Variants in TEAD1 observed in about 807,000 individuals in gnomAD.
TEAD1 encodes transcriptional enhancer factor TEF-1.
A neutral mutation model predicts 54.9 loss-of-function variants in TEAD1; 9 were observed. The ratio of observed to expected loss-of-function variants is 0.16; its 90% CI spans 0.10 to 0.29. The LOEUF (loss-of-function observed/expected upper bound fraction) is 0.29, where lower values mean the gene tolerates loss of function less well. TEAD1 is among the 10% of genes least tolerant of loss of function. The pLI, the probability that TEAD1 is intolerant of heterozygous loss-of-function variation, is 1.00. For missense variants in TEAD1, 387 were observed against 535.9 expected, an observed-to-expected ratio of 0.72 and a Z score of 2.74; for synonymous variants, 200 against 187.8, an observed-to-expected ratio of 1.07 and a Z score of -0.53.
At chr11:12,903,334 G>A (rs140374734) in intron 10 of TEAD1, among the ~76,000 whole-genome samples, 3 of 152,194 alleles carry the variant, frequency 2.0e-5, no homozygotes, top group East Asian at 1.9e-4. Flanking sequence ...AAGCCTCTAC[G>A]TATCTCTATA....
chr11:12,880,952 CTG>C, intron 6 of TEAD1, 51 bp from the exon 7 acceptor site: 1 of 1,604,714 alleles, frequency 6.2e-7, no homozygotes, highest in Non-Finnish European at 8.5e-7. Context: ...GCATCCTAAA[CTG>C]TGCTTTGAAG....
At chr11:12,847,721 T>G (rs1236561965) in intron 3 of TEAD1, among the ~76,000 whole-genome samples, 1 of 152,192 alleles carries the variant, frequency 6.6e-6, no homozygotes, top group African/African-American at 2.4e-5. Flanking sequence ...CGGGTCTTGC[T>G]CTGTTGGCCA....
chr11:12,917,877 C>G (rs1344177997), intron 10 of TEAD1, among the ~76,000 whole-genome samples: 3 of 152,182 alleles, frequency 2.0e-5, no homozygotes, highest in Non-Finnish European at 2.9e-5. Context: ...TGGCCTATGA[C>G]CAGCCTTTTT....
At position 12,840,844 on chromosome 11, in the gene TEAD1, T is replaced by C. The variant is rs995556004; in HGVS notation, c.203-21406T>C. Among the ~76,000 whole-genome samples the C allele has an allele frequency of 5.3e-5, 8 of 152,292 alleles. No individual in the cohort carries two copies. In the South Asian group the frequency reaches 8.3e-4, roughly 16 times the overall value. On this transcript the variant is annotated intron_variant, in intron 3 of 12. Transcript: ENST00000527636. ...TTTCAGAGTTCTGGTGGATATTTGA[T>C]TGCTCTCCATTGGTAGTAACTTTAT...
Position 12,898,561 on chromosome 11 carries a change from A to G in TEAD1, c.700-3379A>G, listed in dbSNP as rs531173455. ...AGGTGTGTGCCACCACACCCGGCTAATTTTTGTATTTTTAGTAGAGATGGG... is the reference window on the plus strand; with the variant it reads ...AGGTGTGTGCCACCACACCCGGCTAGTTTTTGTATTTTTAGTAGAGATGGG... On this transcript the variant is annotated intron_variant, in intron 9 of 12. Transcript: ENST00000527636. Among the ~76,000 whole-genome samples the G allele has an allele frequency of 2.0e-5, 3 of 151,406 alleles. No homozygotes were observed. In the East Asian group the frequency reaches 5.9e-4, roughly 30 times the overall value.
intron 9 of TEAD1, among the ~76,000 whole-genome samples, chr11:12,901,667 A>G (rs1354338380): frequency 6.6e-6 from 1 of 152,220 alleles, no homozygotes; most frequent in Non-Finnish European, 1.5e-5. Context: ...GTAGCTGGGT[A>G]ACTTAAGCTG....
chr11:12,734,369 TA>T (rs1365736126), intron 2 of TEAD1, among the ~76,000 whole-genome samples: 3 of 152,204 alleles, frequency 2.0e-5, no homozygotes, highest in African/African-American at 7.2e-5. Flanking sequence ...AGTTAAAAAT[TA>T]AAAAATGTGT....
At chr11:12,691,626 C>G (rs1412328729) in intron 2 of TEAD1, among the ~76,000 whole-genome samples, 2 of 152,142 alleles carry the variant, frequency 1.3e-5, no homozygotes, top group African/African-American at 4.8e-5. Flanking sequence ...AAAGACCAAA[C>G]TGAAGAATTA....
chr11:12,695,090 C>T (rs562808843), intron 2 of TEAD1, among the ~76,000 whole-genome samples: 2 of 152,354 alleles, frequency 1.3e-5, no homozygotes, highest in South Asian at 2.1e-4. Context: ...GCTAATTCAG[C>T]GCACAGCCAG....
At chr11:12,790,667 A>G (rs544932809) in intron 3 of TEAD1, among the ~76,000 whole-genome samples, 1 of 152,228 alleles carries the variant, frequency 6.6e-6, no homozygotes, top group Non-Finnish European at 1.5e-5. Context: ...TACTGATTCA[A>G]ACTTTTACTA....
intron 3 of TEAD1, among the ~76,000 whole-genome samples, chr11:12,773,385 C>T (rs1270642524): frequency 6.6e-6 from 1 of 152,202 alleles, no homozygotes; most frequent in Non-Finnish European, 1.5e-5. Context: ...TACCACTTTA[C>T]ATTCTCACCT....
At chr11:12,756,295 G>A (rs914284124) in intron 2 of TEAD1, among the ~76,000 whole-genome samples, 2 of 152,206 alleles carry the variant, frequency 1.3e-5, no homozygotes, top group South Asian at 2.1e-4. Context: ...TGTCGTTGTG[G>A]CACATGTTGC....
intron 2 of TEAD1, among the ~76,000 whole-genome samples, chr11:12,703,712 G>A (rs897483244): frequency 2.6e-5 from 4 of 152,156 alleles, no homozygotes; most frequent in African/African-American, 4.8e-5. Flanking sequence ...TATATCCATT[G>A]GAATGAGTGA....
chr11:12,810,951 G>A (rs1451266671), intron 3 of TEAD1, among the ~76,000 whole-genome samples: 2 of 152,176 alleles, frequency 1.3e-5, no homozygotes, highest in Non-Finnish European at 2.9e-5. Context: ...CTACTTGAAT[G>A]CTCCACGGCT....
intron 2 of TEAD1, among the ~76,000 whole-genome samples, chr11:12,745,550 G>A (rs141213465): frequency 6.7e-6 from 1 of 149,308 alleles, no homozygotes; most frequent in East Asian, 2.0e-4. Flanking sequence ...CATGTCAACT[G>A]CTGGTCTGGC....
In TEAD1 at chr11:12,927,051, A is replaced by G. The variant is rs151131149; in HGVS notation, c.1014+1999A>G. On this transcript the variant is annotated intron_variant, in intron 11 of 12. Transcript: ENST00000527636. ...AAAGATGAACCAGACAGCTTACTCAATTTCCCAAATGTCAAATTACTGGTG... is the reference window on the plus strand; with the variant it reads ...AAAGATGAACCAGACAGCTTACTCAGTTTCCCAAATGTCAAATTACTGGTG... Among the ~76,000 whole-genome samples, 44 of 152,322 alleles carry G rather than the reference A, an allele frequency of 2.9e-4. No homozygotes were observed. The East Asian group carries it at 6.2e-3, about 21-fold the overall frequency.
chr11:12,747,427 C>T (rs145632621), intron 2 of TEAD1, among the ~76,000 whole-genome samples: 4,040 of 152,188 alleles, frequency 0.027, 189 homozygotes, highest in African/African-American at 0.092. Context: ...CTCTGCCTCC[C>T]GGGTTCAAGT....
At chr11:12,869,951 C>G (rs1324881636) in intron 5 of TEAD1, among the ~76,000 whole-genome samples, 1 of 152,106 alleles carries the variant, frequency 6.6e-6, no homozygotes, top group African/African-American at 2.4e-5. Flanking sequence ...GCCATCTCGG[C>G]TCATTGCAAC....
In TEAD1 at chr11:12,722,530, A is replaced by G. The variant is rs372075082; in HGVS notation, c.-54-41649A>G. 7.2e-5 allele frequency among the ~76,000 whole-genome samples: 11 copies of G among 152,318 alleles called. No individual in the cohort carries two copies. In the East Asian group the frequency reaches 1.9e-3, roughly 27 times the overall value. ...AGGCAGAGTATAGGATAGAGACTCT[A>G]GGGCTAGGTTTTGGTCCATGCTAAA... On this transcript the variant is annotated intron_variant, in intron 2 of 12. Coordinates refer to ENST00000527636, the MANE Select transcript of TEAD1 (RefSeq NM_021961.6).
Sources: gnomAD v4.1 joint callset for allele counts (sites outside exome capture counted in the v4.1 genomes callset) on GRCh38, gnomAD v4.1.1 for gene constraint, MANE v1.5 for transcripts, NCBI Gene and HGNC (gene_info 2026-07-23, HGNC 2026-07-21) for gene names.